The following PCDHGA5 variants were observed in gnomAD, a reference collection of about 807,000 sequenced individuals.
PCDHGA5 encodes the protein protocadherin gamma-A5.
PCDHGA5 carries 36 observed loss-of-function variants against 56.7 expected under a neutral mutation model. The observed-to-expected ratio is 0.64, with a 90% CI of 0.49 to 0.84. The LOEUF is 0.84. Ranked by LOEUF, PCDHGA5 falls within the 40% of genes least tolerant of loss-of-function variation. The probability of loss-of-function intolerance (pLI) is 0.00; values close to 1 mark genes in which losing one functional copy is unlikely to be tolerated. For synonymous variants in PCDHGA5, 563 were observed against 520.2 expected (o/e 1.08, Z -1.12); for missense variants, 1,305 against 1,201.5 (o/e 1.09, Z -1.27).
rs569260568 is a variant in PCDHGA5, at chr5:141,408,294, A to G, written c.2421+41543A>G. The G allele has an allele frequency of 2.0e-5, 33 of 1,613,508 alleles. No homozygotes were observed. The East Asian group carries it at 7.1e-4, about 35-fold the overall frequency. ...CCTTTGTTCTACCCCACCCTGAGTG[A>G]GCCGATCCGCTACTCGATTCCGGAG... is the stretch of plus-strand genomic sequence containing the variant. On this transcript the variant is annotated intron_variant, in intron 1 of 3. Coordinates refer to ENST00000518069, the MANE Select transcript of PCDHGA5 (RefSeq NM_018918.3).
At position 141,365,615 on chromosome 5, in the gene PCDHGA5, ACCCCGC is replaced by A; in HGVS notation, c.1289_1294del (p.Pro430_Pro431del). On this transcript the variant is annotated inframe_deletion, in exon 1 of 4. Transcript: ENST00000518069. ...CACTTTAACCGTCATGGACCATGGAACCCCGCCCCTCTCTACAGAAAGCCACATCCC... is the reference window on the plus strand; with the variant it reads ...CACTTTAACCGTCATGGACCATGGAACCCTCTCTACAGAAAGCCACATCCC... 6.2e-7 allele frequency: 1 copy of A among 1,613,178 alleles called. No homozygotes were observed.
chr5:141,450,071 A>G (rs1039802551), intron 1 of PCDHGA5, among the ~76,000 whole-genome samples: 3 of 139,286 alleles, frequency 2.2e-5, no homozygotes, highest in Non-Finnish European at 3.0e-5. Flanking sequence ...CAGTGGTATG[A>G]TCTTGGCTCA....
At chr5:141,386,140 G>A (rs1246033956) in intron 1 of PCDHGA5, 1 of 152,170 alleles carries the variant, frequency 6.6e-6, no homozygotes, top group African/African-American at 2.4e-5. Context: ...TACTGGCTTT[G>A]TTTCAACTGT....
At chr5:141,422,690 T>C (rs1384522137) in intron 1 of PCDHGA5, 1 of 1,603,790 alleles carries the variant, frequency 6.2e-7, no homozygotes, top group African/African-American at 1.3e-5. Flanking sequence ...AATGCCCTGG[T>C]CACTTACTCT....
chr5:141,393,792 C>T, intron 1 of PCDHGA5: 1 of 1,613,908 alleles, frequency 6.2e-7, no homozygotes, highest in Non-Finnish European at 8.5e-7. Context: ...TGTGGGGGCA[C>T]TTCTGGGGAG....
At chr5:141,509,376 C>A (rs2099876528) in intron 3 of PCDHGA5, among the ~76,000 whole-genome samples, 1 of 152,122 alleles carries the variant, frequency 6.6e-6, no homozygotes, top group African/African-American at 2.4e-5. Flanking sequence ...TTAACTGTCT[C>A]CTAACCACAG....
chr5:141,393,972 C>T, intron 1 of PCDHGA5: 1 of 1,613,790 alleles, frequency 6.2e-7, no homozygotes, highest in Non-Finnish European at 8.5e-7. Flanking sequence ...CTGTTACACA[C>T]GTGATAATTT....
intron 2 of PCDHGA5, among the ~76,000 whole-genome samples, chr5:141,502,686 C>T (rs2099815631): frequency 6.6e-6 from 1 of 152,136 alleles, no homozygotes; most frequent in Admixed American, 6.5e-5. Flanking sequence ...CCCTGATGAT[C>T]CTTGCCTGTA....
chr5:141,430,944 G>C (rs1417018095), intron 1 of PCDHGA5: 1 of 1,609,214 alleles, frequency 6.2e-7, no homozygotes, highest in Non-Finnish European at 8.5e-7. Flanking sequence ...CTCGCGGAGC[G>C]CGGAGTCCGC....
chr5:141,427,887 C>G, intron 1 of PCDHGA5: 1 of 1,565,908 alleles, frequency 6.4e-7, no homozygotes, highest in South Asian at 1.1e-5. Flanking sequence ...GGCCCACGAC[C>G]AGGGCTCGCC....
At chr5:141,427,615 A>G (rs1428096450) in intron 1 of PCDHGA5, 2 of 693,732 alleles carry the variant, frequency 2.9e-6, no homozygotes, top group Non-Finnish European at 5.3e-6. Context: ...GGTGAAGTCA[A>G]CGACAATGCT....
At chr5:141,372,612 C>T (rs773605439) in intron 1 of PCDHGA5, 2 of 1,614,004 alleles carry the variant, frequency 1.2e-6, no homozygotes, top group Non-Finnish European at 1.7e-6. Context: ...ACCTGGAGTT[C>T]TCCCCACCTA....
At chr5:141,397,960 A>C in intron 1 of PCDHGA5, 2 of 1,021,904 alleles carry the variant, frequency 2.0e-6, no homozygotes, top group East Asian at 2.6e-5. Context: ...GCCCCAGCTC[A>C]GACTCCCCAG....
At chr5:141,382,133 T>C (rs1420684997) in intron 1 of PCDHGA5, among the ~76,000 whole-genome samples, 3 of 152,068 alleles carry the variant, frequency 2.0e-5, no homozygotes, top group Admixed American at 6.6e-5. Context: ...TGGCCCCCCC[T>C]CTCATTTTTT....
At chr5:141,398,349 C>T in intron 1 of PCDHGA5, 2 of 1,397,134 alleles carry the variant, frequency 1.4e-6, no homozygotes, top group Non-Finnish European at 2.0e-6. Flanking sequence ...AGAAGCCTTA[C>T]TTCACCGTGA....
At chr5:141,418,882 C>T (rs945382775) in intron 1 of PCDHGA5, 8 of 1,613,960 alleles carry the variant, frequency 5.0e-6, no homozygotes, top group Admixed American at 1.7e-5. Flanking sequence ...TAGACGAAAA[C>T]GACAACAGCC....
At chr5:141,390,423 C>A in intron 1 of PCDHGA5, 1 of 1,058,544 alleles carries the variant, frequency 9.4e-7, no homozygotes, top group Non-Finnish European at 1.3e-6. Context: ...AGTTAAAAAG[C>A]TGTCATATCA....
chr5:141,397,961 G>C, intron 1 of PCDHGA5: 2 of 1,038,400 alleles, frequency 1.9e-6, no homozygotes, highest in Non-Finnish European at 2.7e-6. Context: ...CCCCAGCTCA[G>C]ACTCCCCAGC....
At chr5:141,463,629 GTT>G (rs923584581) in intron 1 of PCDHGA5, among the ~76,000 whole-genome samples, 5 of 151,314 alleles carry the variant, frequency 3.3e-5, no homozygotes, top group Middle Eastern at 3.4e-3. Flanking sequence ...TTTGTATTTT[GTT>G]TAGTAGAGAC....
Sources: allele counts gnomAD v4.1 joint callset (sites outside exome capture counted in the v4.1 genomes callset), GRCh38; gene constraint gnomAD v4.1.1; transcripts MANE v1.5; gene names NCBI Gene and HGNC (gene_info 2026-07-23, HGNC 2026-07-21).